RAB27B: variants seen among roughly 807,000 people sequenced by gnomAD.
RAB27B encodes RAB27B, member RAS oncogene family, also known as ras-related protein Rab-27B.
In RAB27B, 15 loss-of-function variants were observed where a neutral mutation model predicts 24.6. The observed-to-expected ratio is 0.61, with a 90% CI of 0.41 to 0.94. The LOEUF (loss-of-function observed/expected upper bound fraction) is 0.94. Ranked by LOEUF, RAB27B falls within the 40% of genes least tolerant of loss-of-function variation. The pLI is 0.00. For missense variants in RAB27B, 261 were observed against 266.8 expected, an observed-to-expected ratio of 0.98 and a Z score of 0.15; for synonymous variants, 105 against 92.5, an observed-to-expected ratio of 1.14 and a Z score of -0.78.
intron 4 of RAB27B, among the ~76,000 whole-genome samples, chr18:54,886,490 G>A (rs919379361): frequency 9.9e-5 from 15 of 151,738 alleles, no homozygotes; most frequent in South Asian, 2.1e-4. Flanking sequence ...AACCACTCTC[G>A]GTGTGGGTTC....
chr18:54,848,308 C>T (rs1911418923), intron 1 of RAB27B, among the ~76,000 whole-genome samples: 1 of 152,150 alleles, frequency 6.6e-6, no homozygotes. Context: ...TTATGGCTGT[C>T]TCATAACTGC....
intron 2 of RAB27B, among the ~76,000 whole-genome samples, chr18:54,796,801 A>G (rs1215497002): frequency 1.3e-5 from 2 of 152,150 alleles, no homozygotes; most frequent in Non-Finnish European, 2.9e-5. Flanking sequence ...AGGTCTGCAA[A>G]CACAGGCCCG....
intron 2 of RAB27B, among the ~76,000 whole-genome samples, chr18:54,820,860 T>A (rs1430953465): frequency 6.6e-6 from 1 of 151,940 alleles, no homozygotes; most frequent in East Asian, 1.9e-4. Flanking sequence ...CCAGCACCAT[T>A]TATTAAATAG....
At chr18:54,731,418 A>G (rs1011826275) in intron 2 of RAB27B, among the ~76,000 whole-genome samples, 2 of 152,234 alleles carry the variant, frequency 1.3e-5, no homozygotes, top group Admixed American at 6.5e-5. Flanking sequence ...CAATGGATGC[A>G]TATGAAATCT....
chr18:54,747,787 T>C (rs1910299807), intron 2 of RAB27B, among the ~76,000 whole-genome samples: 1 of 152,192 alleles, frequency 6.6e-6, no homozygotes, highest in Admixed American at 6.5e-5. Flanking sequence ...TATGTTCTCA[T>C]AAAGATTTTG....
At chr18:54,774,783 C>T (rs1908663906) in intron 2 of RAB27B, among the ~76,000 whole-genome samples, 1 of 152,130 alleles carries the variant, frequency 6.6e-6, no homozygotes. Flanking sequence ...CTTGGTCATT[C>T]TCTATCCCAT....
At chr18:54,801,490 C>G (rs1193142231) in intron 2 of RAB27B, among the ~76,000 whole-genome samples, 1 of 152,106 alleles carries the variant, frequency 6.6e-6, no homozygotes, top group African/African-American at 2.4e-5. Flanking sequence ...ACCAGCTTCC[C>G]CATGATGCCC....
chr18:54,827,832 G>A (rs1349846626), upstream of RAB27B, among the ~76,000 whole-genome samples: 1 of 152,198 alleles, frequency 6.6e-6, no homozygotes, highest in African/African-American at 2.4e-5. Flanking sequence ...TGGGCAGCCA[G>A]GATCTTTGCT....
chr18:54,866,441 A>C (rs1414994301), intron 1 of RAB27B, among the ~76,000 whole-genome samples: 2 of 152,164 alleles, frequency 1.3e-5, no homozygotes, highest in Middle Eastern at 3.2e-3. Context: ...GATTACAGGC[A>C]TGTGCCACCA....
chr18:54,733,650 G>GC (rs557873086), intron 2 of RAB27B, among the ~76,000 whole-genome samples: 10,769 of 92,112 alleles, frequency 0.12, 1,587 homozygotes, highest in Middle Eastern at 0.22. Flanking sequence ...CTGTTCTAGA[G>GC]CCCCCCCCCC....
intron 2 of RAB27B, among the ~76,000 whole-genome samples, chr18:54,768,080 C>A (rs772220832): frequency 2.6e-5 from 4 of 151,864 alleles, no homozygotes; most frequent in Non-Finnish European, 5.9e-5. Context: ...AGAGGAGAGA[C>A]AAGGAAGATG....
chr18:54,854,212 T>A (rs765077565), intron 1 of RAB27B, among the ~76,000 whole-genome samples: 4 of 152,142 alleles, frequency 2.6e-5, no homozygotes, highest in Non-Finnish European at 4.4e-5. Flanking sequence ...TGTTACAATA[T>A]CTTTAGAGTC....
At chr18:54,757,986 T>C (rs1369528372) in intron 2 of RAB27B, among the ~76,000 whole-genome samples, 1 of 152,140 alleles carries the variant, frequency 6.6e-6, no homozygotes. Flanking sequence ...TGCTTTTCTT[T>C]TTTTGAGATG....
intron 2 of RAB27B, among the ~76,000 whole-genome samples, chr18:54,802,263 GA>G (rs1188440046): frequency 1.3e-5 from 2 of 152,210 alleles, no homozygotes; most frequent in East Asian, 3.8e-4. Flanking sequence ...GGAGGACACA[GA>G]GGTTGTACTC....
chr18:54,777,321 G>A (rs900523742), intron 2 of RAB27B, among the ~76,000 whole-genome samples: 4 of 152,192 alleles, frequency 2.6e-5, no homozygotes, highest in Non-Finnish European at 5.9e-5. Flanking sequence ...AGAACTTGCA[G>A]TTCTCTTAGA....
At chr18:54,844,149 GA>G (rs557477836) in intron 1 of RAB27B, among the ~76,000 whole-genome samples, 5 of 152,150 alleles carry the variant, frequency 3.3e-5, no homozygotes, top group Admixed American at 6.5e-5. Context: ...AATATCTTCT[GA>G]GGGATATAAC....
At chr18:54,844,474 G>A (rs573619760) in intron 1 of RAB27B, among the ~76,000 whole-genome samples, 3 of 133,034 alleles carry the variant, frequency 2.3e-5, no homozygotes, top group East Asian at 2.1e-4. Flanking sequence ...GCACCATCTC[G>A]TCTCACTGCA....
upstream of RAB27B, among the ~76,000 whole-genome samples, chr18:54,824,759 A>C (rs372950965): frequency 6.6e-6 from 1 of 152,212 alleles, no homozygotes. Context: ...TCTGGCGGGC[A>C]CTTCCCGCTA....
Position 54,753,930 on chromosome 18 carries a change from T to C in RAB27B, c.-20+35789T>C, listed in dbSNP as rs929974036. Among the ~76,000 whole-genome samples the C allele has an allele frequency of 3.3e-5, 5 of 152,202 alleles. No individual in the cohort carries two copies. The East Asian group carries it at 7.7e-4, about 23-fold the overall frequency. On this transcript the variant is annotated intron_variant, in intron 2 of 4. Transcript: ENST00000586570. ...AGCAGACCCAACTGTTTATGGATTCTCTATCTCCACTTAGAGACATTAGAC... is the reference window on the plus strand; with the variant it reads ...AGCAGACCCAACTGTTTATGGATTCCCTATCTCCACTTAGAGACATTAGAC...
Sources: gnomAD v4.1 joint callset for allele counts (sites outside exome capture counted in the v4.1 genomes callset) on GRCh38, gnomAD v4.1.1 for gene constraint, MANE v1.5 for transcripts, NCBI Gene and HGNC (gene_info 2026-07-23, HGNC 2026-07-21) for gene names.